Variants in PLXNA2 observed in about 807,000 individuals in gnomAD.
PLXNA2 encodes plexin-A2.
PLXNA2 carries 91 observed loss-of-function variants against 193.5 expected under a neutral mutation model. The observed-to-expected ratio is 0.47, with a 90% CI of 0.40 to 0.56. The LOEUF is 0.56. Among genes scored for constraint, PLXNA2 ranks in the 20% least tolerant of loss-of-function variants. The pLI is 0.00. For missense variants in PLXNA2, 1,995 were observed against 2,503.2 expected, an observed-to-expected ratio of 0.80 and a Z score of 4.33; for synonymous variants, 997 against 1,027.3, an observed-to-expected ratio of 0.97 and a Z score of 0.56.
At chr1:208,184,737 A>G (rs1669945756) in intron 3 of PLXNA2, among the ~76,000 whole-genome samples, 1 of 152,030 alleles carries the variant, frequency 6.6e-6, no homozygotes, top group African/African-American at 2.4e-5. Flanking sequence ...GTGCAGAGAA[A>G]TCACAAAGAG....
At chr1:208,039,823 T>G in intron 23 of PLXNA2, 56 bp from the exon 24 acceptor site, 1 of 1,611,494 alleles carries the variant, frequency 6.2e-7, no homozygotes, top group South Asian at 1.1e-5. Flanking sequence ...GTTTGTACGT[T>G]TTCCCTTTCC....
At chr1:208,139,344 A>C (rs183411645) in intron 4 of PLXNA2, among the ~76,000 whole-genome samples, 1 of 152,264 alleles carries the variant, frequency 6.6e-6, no homozygotes, top group East Asian at 1.9e-4. Flanking sequence ...CAGGCTGAGG[A>C]TGACTGGGTG....
intron 29 of PLXNA2, chr1:208,030,280 C>G: frequency 1.0e-6 from 1 of 985,506 alleles, no homozygotes. Context: ...GTTAAGGAAA[C>G]TCTCTCCACA....
chr1:208,057,007 G>A (rs1179004995), intron 13 of PLXNA2, among the ~76,000 whole-genome samples: 1 of 150,566 alleles, frequency 6.6e-6, no homozygotes, highest in Non-Finnish European at 1.5e-5. Context: ...TTTGTTGCAG[G>A]CACTTGTTCT....
At chr1:208,239,596 G>A (rs539684016) in intron 1 of PLXNA2, among the ~76,000 whole-genome samples, 216 of 152,250 alleles carry the variant, frequency 1.4e-3, no homozygotes, top group African/African-American at 5.0e-3. Flanking sequence ...CACTTCAAAC[G>A]GCCAAAACAG....
chr1:208,238,340 A>G (rs899593395), intron 1 of PLXNA2, among the ~76,000 whole-genome samples: 1 of 152,260 alleles, frequency 6.6e-6, no homozygotes, highest in Non-Finnish European at 1.5e-5. Flanking sequence ...AAAGAAAAGC[A>G]GAATTAAACT....
At chr1:208,147,424 G>T (rs1398312987) in intron 3 of PLXNA2, among the ~76,000 whole-genome samples, 1 of 104,412 alleles carries the variant, frequency 9.6e-6, no homozygotes, top group East Asian at 3.2e-4. Flanking sequence ...TCTCAGGAGG[G>T]TTTTAAACCC....
chr1:208,105,987 C>A (rs994986214), intron 4 of PLXNA2, among the ~76,000 whole-genome samples: 1 of 152,068 alleles, frequency 6.6e-6, no homozygotes, highest in African/African-American at 2.4e-5. Context: ...CCAAGTGCCA[C>A]GGAGATAGTG....
intron 1 of PLXNA2, among the ~76,000 whole-genome samples, chr1:208,229,480 C>CA (rs542341353): frequency 6.6e-6 from 1 of 152,168 alleles, no homozygotes; most frequent in Non-Finnish European, 1.5e-5. Context: ...TCTCAGTGGA[C>CA]ACTGTCCCTA....
intron 12 of PLXNA2, among the ~76,000 whole-genome samples, 167 bp from the exon 13 acceptor site, chr1:208,061,004 G>A (rs1420416914): frequency 6.6e-6 from 1 of 152,012 alleles, no homozygotes; most frequent in Non-Finnish European, 1.5e-5. Flanking sequence ...AGCTTATCTC[G>A]GATCTTGACA....
chr1:208,133,328 C>T (rs943599528), intron 4 of PLXNA2, among the ~76,000 whole-genome samples: 11 of 152,206 alleles, frequency 7.2e-5, no homozygotes, highest in African/African-American at 2.7e-4. Context: ...CATTGCGCTT[C>T]TCCAGAATTT....
rs1664817165 is a variant in PLXNA2 at position 208,040,056 on chromosome 1, G to A, written c.4289C>T (p.Thr1430Ile). The change falls in exon 23 of 32, where the codon ACA becomes ATA. Residue 1430 changes from threonine (T) to isoleucine (I), a missense_variant and splice_region_variant. Thr to Ile is a moderately conservative substitution (Grantham distance 89). Around this residue, in one of 3 missense-constraint regions of PLXNA2, gnomAD observed 1,291 missense variants for 1,673.6 expected, o/e 0.77. Coordinates refer to ENST00000367033, the MANE Select transcript of PLXNA2 (RefSeq NM_025179.4). Reference protein sequence around the residue: ...KNHPKLLLRRTESVAEKMLTN... With the variant: ...KNHPKLLLRRIESVAEKMLTN... The stretch of plus-strand genomic sequence containing the variant: ...CAGCATCTTTTCAGCCACAGACTCT[G>A]TCCTGGGGAAGGGACAAAGGGTAAG... 2 of 1,613,744 alleles carry A rather than the reference G, an allele frequency of 1.2e-6. No individual in the cohort carries two copies. Among genetic ancestry groups the A allele is most frequent in the African/African-American group, 1.3e-5 (1 of 74,932 alleles).
intron 12 of PLXNA2, 76 bp from the exon 13 acceptor site, chr1:208,060,913 A>C: frequency 7.0e-7 from 1 of 1,431,254 alleles, no homozygotes; most frequent in Non-Finnish European, 9.7e-7. Context: ...CCCCTCCCCC[A>C]GGGAGGTTTA....
intron 8 of PLXNA2, among the ~76,000 whole-genome samples, chr1:208,094,146 T>C (rs59864143): frequency 6.6e-6 from 1 of 152,240 alleles, no homozygotes; most frequent in Non-Finnish European, 1.5e-5. Context: ...GATAGACTGG[T>C]TCTTGGTAAC....
At chr1:208,130,463 C>T (rs982882047) in intron 4 of PLXNA2, among the ~76,000 whole-genome samples, 1 of 152,248 alleles carries the variant, frequency 6.6e-6, no homozygotes, top group Admixed American at 6.5e-5. Context: ...TCACCAACCC[C>T]ACCAACTTCT....
chr1:208,233,197 T>C (rs920760768), intron 1 of PLXNA2, among the ~76,000 whole-genome samples: 1 of 152,218 alleles, frequency 6.6e-6, no homozygotes, highest in African/African-American at 2.4e-5. Context: ...CTTGCCAGGT[T>C]GAAACCTCCT....
At chr1:208,200,577 C>CTTTTTTTTTTTTTTTTTTTT (rs36026400) in intron 3 of PLXNA2, among the ~76,000 whole-genome samples, 5 of 113,998 alleles carry the variant, frequency 4.4e-5, no homozygotes, top group African/African-American at 6.6e-5. Context: ...CCCAATCCTT[C>CTTTTTTTTTTTTTTTTTTTT]TTTTTTTTTT....
At chr1:208,115,101 C>A (rs1046760956) in intron 4 of PLXNA2, among the ~76,000 whole-genome samples, 8 of 152,108 alleles carry the variant, frequency 5.3e-5, no homozygotes, top group Non-Finnish European at 1.5e-5. Context: ...GTTTGGGAAC[C>A]TTTATAGACT....
chr1:208,030,973 C>G (rs2102299147), intron 29 of PLXNA2: 2 of 987,848 alleles, frequency 2.0e-6, no homozygotes, highest in Middle Eastern at 1.0e-3. Flanking sequence ...GGGAGAGAGT[C>G]ATGCCTGCAG....
Sources: gnomAD v4.1 joint callset for allele counts (sites outside exome capture counted in the v4.1 genomes callset) on GRCh38, gnomAD v4.1.1 for gene constraint, gnomAD v4.1.1 regional missense constraint, MANE v1.5 for transcripts, NCBI Gene and HGNC (gene_info 2026-07-23, HGNC 2026-07-21) for gene names.